Variants in PAIP1 observed in about 807,000 individuals in gnomAD.
PAIP1 encodes the protein poly(A) binding protein interacting protein 1.
Under a neutral mutation model 61.3 loss-of-function variants are expected in PAIP1, and 16 were observed. That is an observed-to-expected ratio of 0.26 (90% confidence interval 0.18 to 0.40). The LOEUF (loss-of-function observed/expected upper bound fraction) is 0.40. Among genes scored for constraint, PAIP1 ranks in the 10% least tolerant of loss-of-function variants. The pLI, the probability that PAIP1 is intolerant of heterozygous loss-of-function variation, is 1.00. For synonymous variants in PAIP1, 187 were observed against 226.2 expected, an observed-to-expected ratio of 0.83 and a Z score of 1.56; for missense variants, 416 against 600.9, an observed-to-expected ratio of 0.69 and a Z score of 3.22.
intron 1 of PAIP1, 170 bp from the exon 2 acceptor site, chr5:43,556,169 C>CAA (rs2111613791): frequency 7.1e-7 from 1 of 1,404,572 alleles, no homozygotes; most frequent in East Asian, 2.6e-5. Context: ...CAAAAAGGAA[C>CAA]AATAGACTTG....
chr5:43,542,790 TGGAAAA>T (rs1747465782), intron 4 of PAIP1, among the ~76,000 whole-genome samples: 1 of 152,174 alleles, frequency 6.6e-6, no homozygotes, highest in Admixed American at 6.5e-5. Context: ...TTTAAGATCT[TGGAAAA>T]GGAAAGATCT....
At chr5:43,547,938 A>G in intron 2 of PAIP1, 25 bp from the exon 3 acceptor site, 2 of 1,511,034 alleles carry the variant, frequency 1.3e-6, no homozygotes, top group African/African-American at 1.4e-5. Flanking sequence ...TGAAAAAACA[A>G]TTTTAATCTA....
chr5:43,539,843 T>C (rs566402064), intron 4 of PAIP1, among the ~76,000 whole-genome samples: 2 of 152,352 alleles, frequency 1.3e-5, no homozygotes, highest in East Asian at 3.9e-4. Context: ...GTTACTAACA[T>C]AGATTTTTTA....
At chr5:43,538,162 G>T (rs1297565336) in intron 5 of PAIP1, among the ~76,000 whole-genome samples, 2 of 151,994 alleles carry the variant, frequency 1.3e-5, no homozygotes, top group Admixed American at 1.3e-4. Context: ...TTTTTATGTG[G>T]AAGATTAATA....
At chr5:43,537,629 C>T (rs1236043568) in intron 5 of PAIP1, among the ~76,000 whole-genome samples, 1 of 152,012 alleles carries the variant, frequency 6.6e-6, no homozygotes, top group East Asian at 1.9e-4. Context: ...GATATTATGG[C>T]GTTTACGATC....
At chr5:43,529,638 C>A in intron 10 of PAIP1, 148 bp downstream of exon 10, 2 of 631,868 alleles carry the variant, frequency 3.2e-6, no homozygotes, top group Non-Finnish European at 5.7e-6. Flanking sequence ...GTGATCTGCC[C>A]TCCTCAGCCT....
chr5:43,534,428 A>AC (rs1034422983), intron 8 of PAIP1, among the ~76,000 whole-genome samples: 3 of 151,822 alleles, frequency 2.0e-5, no homozygotes, highest in African/African-American at 7.3e-5. Flanking sequence ...TGAACTCCTG[A>AC]CCTCAGGTGA....
chr5:43,552,803 G>C (rs193015575), intron 2 of PAIP1, among the ~76,000 whole-genome samples: 1 of 152,274 alleles, frequency 6.6e-6, no homozygotes, highest in East Asian at 1.9e-4. Flanking sequence ...CCTAGCACAG[G>C]ACCTGGCACA....
Position 43,556,852 on chromosome 5 carries a change from T to G in PAIP1, c.-6A>C. 2 of 1,425,114 alleles carry G rather than the reference T, an allele frequency of 1.4e-6. No individual in the cohort carries two copies. Among genetic ancestry groups the G allele is most frequent in the East Asian group, 3.1e-5 (1 of 32,638 alleles). The allele number at this position is 1,425,114 out of a possible 1,614,324, so 88.3% of individuals were successfully genotyped here. The stretch of plus-strand genomic sequence containing the variant: ...CGATCGAAACCGTCCGACATGCTCC[T>G]CCTCCTCCGCCTCCTCCTCCAGGGG... On this transcript the variant is annotated 5_prime_UTR_variant, in exon 1 of 11. Coordinates refer to ENST00000306846, the MANE Select transcript of PAIP1 (RefSeq NM_006451.5).
intron 10 of PAIP1, 23 bp from the exon 11 acceptor site, chr5:43,527,492 T>A: frequency 6.3e-7 from 1 of 1,588,962 alleles, no homozygotes; most frequent in Non-Finnish European, 8.6e-7. Flanking sequence ...AGATGATTCA[T>A]AAGTGTAAGG....
intron 9 of PAIP1, among the ~76,000 whole-genome samples, chr5:43,530,311 C>CAG (rs776480251): frequency 2.0e-5 from 3 of 152,176 alleles, no homozygotes; most frequent in South Asian, 2.1e-4. Context: ...CCTTTCTTCC[C>CAG]AGAGAGATGG....
rs536477871 is a variant in PAIP1 at position 43,556,240 on chromosome 5, T to C, written c.266-241A>G. ...TGAGTGCTTGCGAGCTTTTTTCCTC[T>C]CTGTCGTTTTAAAGGGGTCGGTGGA... is the stretch of plus-strand genomic sequence containing the variant. On this transcript the variant is annotated intron_variant, in intron 1 of 10. Coordinates refer to ENST00000306846, the MANE Select transcript of PAIP1 (RefSeq NM_006451.5). 61 of 1,284,478 alleles carry C rather than the reference T, an allele frequency of 4.7e-5. No homozygotes were observed. In the African/African-American group the frequency reaches 8.4e-4, roughly 18 times the overall value. The allele number at this position is 1,284,478 out of a possible 1,614,324, so 79.6% of individuals were successfully genotyped here.
chr5:43,538,555 G>A (rs1747250075), intron 5 of PAIP1, among the ~76,000 whole-genome samples: 1 of 152,148 alleles, frequency 6.6e-6, no homozygotes, highest in Non-Finnish European at 1.5e-5. Context: ...GTTCTGCAGA[G>A]TAAACTGCTT....
In PAIP1 at chr5:43,556,459, G is replaced by A. The variant is rs1748082654; in HGVS notation, c.265+123C>T. ...CCCTACCCGGTCACGCGGCCCTCTCGGGGAATGCTTTCGGGGAACCGGGGG... is the reference window on the plus strand; with the variant it reads ...CCCTACCCGGTCACGCGGCCCTCTCAGGGAATGCTTTCGGGGAACCGGGGG... On this transcript the variant is annotated intron_variant, in intron 1 of 10. Transcript: ENST00000306846. 6 of 1,203,660 alleles carry A rather than the reference G, an allele frequency of 5.0e-6. No individual in the cohort carries two copies. The Admixed American group carries it at 2.5e-4, about 51-fold the overall frequency. The allele number at this position is 1,203,660 out of a possible 1,614,324, so 74.6% of individuals were successfully genotyped here. A position where few individuals can be genotyped will look rare whatever the true frequency, so the allele number is the denominator to read the frequency against.
At chr5:43,552,696 T>C (rs1747909951) in intron 2 of PAIP1, among the ~76,000 whole-genome samples, 1 of 152,174 alleles carries the variant, frequency 6.6e-6, no homozygotes, top group Admixed American at 6.5e-5. Context: ...AAGGAGATTA[T>C]ACTCAGAGAG....
chr5:43,534,694 CTT>C (rs1267008045), intron 8 of PAIP1, among the ~76,000 whole-genome samples, 157 bp downstream of exon 8: 4 of 152,168 alleles, frequency 2.6e-5, no homozygotes, highest in East Asian at 3.9e-4. Context: ...TTCCAGGTCT[CTT>C]TTCTTTTTTA....
intron 10 of PAIP1, 142 bp from the exon 11 acceptor site, chr5:43,527,611 T>C: frequency 1.5e-6 from 1 of 652,844 alleles, no homozygotes. Context: ...ATTACATTAA[T>C]GGCAGTCTTC....
At chr5:43,536,975 A>G (rs771204389) in intron 5 of PAIP1, 31 bp from the exon 6 acceptor site, 2 of 1,531,438 alleles carry the variant, frequency 1.3e-6, no homozygotes, top group Non-Finnish European at 1.8e-6. Context: ...AACAAAAGGA[A>G]TGATGCCAAA....
rs770201798 is a variant in PAIP1, at chr5:43,535,570, C to T, written c.1043G>A (p.Arg348Lys). The change falls in exon 7 of 11, where the codon AGA becomes AAA. Residue 348 changes from arginine to lysine, a missense_variant. By Grantham distance (26) the Arg-to-Lys change is conservative. This residue lies in a region of PAIP1 where 135 missense variants were observed against 283.9 expected (regional missense o/e 0.48). Coordinates refer to ENST00000306846, the MANE Select transcript of PAIP1 (RefSeq NM_006451.5). ...GKMDMEEIIQRIENVVLDANC... is the reference protein window; with the variant it reads ...GKMDMEEIIQKIENVVLDANC... ...TGCATCTAGGACAACGTTTTCAATT[C>T]TCTGAATAATTTCTTCCATATCCAT... 1.2e-6 allele frequency: 2 copies of T among 1,600,086 alleles called. No homozygotes were observed. The highest frequency in any genetic ancestry group is 1.7e-6 in the Non-Finnish European group (2 of 1,168,922).
Sources: gnomAD v4.1 joint callset for allele counts (sites outside exome capture counted in the v4.1 genomes callset) on GRCh38, gnomAD v4.1.1 for gene constraint, gnomAD v4.1.1 regional missense constraint, MANE v1.5 for transcripts, NCBI Gene and HGNC (gene_info 2026-07-23, HGNC 2026-07-21) for gene names.